Variants in ANKS1B observed in about 807,000 individuals in gnomAD.
ANKS1B encodes the protein ankyrin repeat and sterile alpha motif domain-containing protein 1B.
ANKS1B carries 36 observed loss-of-function variants against 148.3 expected under a neutral mutation model. The ratio of observed to expected loss-of-function variants is 0.24; its 90% confidence interval spans 0.19 to 0.32. ANKS1B has a LOEUF of 0.32. Among genes scored for constraint, ANKS1B ranks in the 10% least tolerant of loss-of-function variants. ANKS1B has a pLI of 1.00. For missense variants in ANKS1B, 1,157 were observed against 1,542.6 expected, an observed-to-expected ratio of 0.75 and a Z score of 4.19; for synonymous variants, 542 against 560.8, an observed-to-expected ratio of 0.97 and a Z score of 0.47.
chr12:99,754,629 G>C (rs554409284), intron 8 of ANKS1B, among the ~76,000 whole-genome samples: 138 of 152,174 alleles, frequency 9.1e-4, no homozygotes, highest in Non-Finnish European at 1.7e-3. Context: ...CAAAAGAACT[G>C]AAAATCATAA....
chr12:99,115,750 G>A (rs998717299), intron 15 of ANKS1B, among the ~76,000 whole-genome samples: 5 of 152,032 alleles, frequency 3.3e-5, no homozygotes, highest in Non-Finnish European at 5.9e-5. Flanking sequence ...GACTAACATG[G>A]TGAAACTCTG....
chr12:98,970,404 G>A lies in ANKS1B; in HGVS notation c.2778+82753C>T, dbSNP rs78876352. On this transcript the variant is annotated intron_variant, in intron 17 of 26. Coordinates refer to ENST00000683438, the MANE Select transcript of ANKS1B (RefSeq NM_001352186.2). Reference sequence around the variant, plus strand: ...GGGCCATGCAGACTTGCCAATATTAGGCTGGTTTGGCCTAGCATAGTACCT... The same window carrying A: ...GGGCCATGCAGACTTGCCAATATTAAGCTGGTTTGGCCTAGCATAGTACCT... Among the ~76,000 whole-genome samples, 391 of 152,250 alleles carry A rather than the reference G, an allele frequency of 2.6e-3. 11 individuals carry two copies. The East Asian group carries it at 0.044, about 17-fold the overall frequency.
intron 10 of ANKS1B, among the ~76,000 whole-genome samples, chr12:99,473,455 T>G (rs2096272481): frequency 6.6e-6 from 1 of 152,074 alleles, no homozygotes; most frequent in South Asian, 2.1e-4. Flanking sequence ...GAGCCATACC[T>G]AGTAGTACAA....
At chr12:98,879,456 T>C (rs1166078295) in intron 17 of ANKS1B, among the ~76,000 whole-genome samples, 1 of 152,208 alleles carries the variant, frequency 6.6e-6, no homozygotes, top group Non-Finnish European at 1.5e-5. Context: ...CAATATGTCA[T>C]TCATCCTCGC....
At chr12:99,568,285 T>C (rs759320271) in intron 9 of ANKS1B, among the ~76,000 whole-genome samples, 1 of 152,164 alleles carries the variant, frequency 6.6e-6, no homozygotes. Flanking sequence ...GCCAGCAGCA[T>C]ATCATTTTCA....
At chr12:99,423,984 T>G (rs2152724655) in intron 11 of ANKS1B, among the ~76,000 whole-genome samples, 1 of 152,224 alleles carries the variant, frequency 6.6e-6, no homozygotes, top group South Asian at 2.1e-4. Flanking sequence ...CCTCTGAACT[T>G]GAGGGTTAAA....
At chr12:99,407,852 A>G (rs1206690606) in intron 11 of ANKS1B, among the ~76,000 whole-genome samples, 2 of 146,178 alleles carry the variant, frequency 1.4e-5, no homozygotes, top group Non-Finnish European at 3.0e-5. Context: ...ATTGAAAATC[A>G]TATAAGAAAA....
At chr12:98,791,968 T>C (rs1256290592) in intron 22 of ANKS1B, among the ~76,000 whole-genome samples, 6 of 152,330 alleles carry the variant, frequency 3.9e-5, no homozygotes, top group Admixed American at 1.3e-4. Context: ...ATTCCCTCTA[T>C]TGTTTCCTAA....
At chr12:99,841,520 A>G (rs544740074) in intron 1 of ANKS1B, among the ~76,000 whole-genome samples, 1 of 151,986 alleles carries the variant, frequency 6.6e-6, no homozygotes, top group Non-Finnish European at 1.5e-5. Flanking sequence ...TAAACTGAAG[A>G]GTTTGGGGCC....
At chr12:99,962,248 T>C (rs991889617) in intron 1 of ANKS1B, among the ~76,000 whole-genome samples, 2 of 151,954 alleles carry the variant, frequency 1.3e-5, no homozygotes, top group African/African-American at 4.8e-5. Flanking sequence ...CCCCTCCCTG[T>C]GTCCATGTGT....
At chr12:99,653,917 G>A (rs1292907612) in intron 9 of ANKS1B, among the ~76,000 whole-genome samples, 1 of 151,798 alleles carries the variant, frequency 6.6e-6, no homozygotes, top group East Asian at 1.9e-4. Flanking sequence ...ACCCTCCTCG[G>A]CCTCCCACAG....
At chr12:99,945,531 A>G (rs191620502) in intron 1 of ANKS1B, among the ~76,000 whole-genome samples, 1 of 152,296 alleles carries the variant, frequency 6.6e-6, no homozygotes, top group East Asian at 1.9e-4. Context: ...TCAGACACCA[A>G]ATTAAGGTGG....
At chr12:99,330,301 A>T in intron 12 of ANKS1B, among the ~76,000 whole-genome samples, 1 of 151,958 alleles carries the variant, frequency 6.6e-6, no homozygotes, top group South Asian at 2.1e-4. Flanking sequence ...TTATAGATTC[A>T]AGTAAATCCA....
At chr12:99,599,754 G>A (rs2153276584) in intron 9 of ANKS1B, among the ~76,000 whole-genome samples, 1 of 152,160 alleles carries the variant, frequency 6.6e-6, no homozygotes, top group Non-Finnish European at 1.5e-5. Context: ...TAAAGGCAAG[G>A]ATGAACCTGG....
intron 1 of ANKS1B, among the ~76,000 whole-genome samples, chr12:99,896,235 C>T (rs561157443): frequency 6.6e-6 from 1 of 151,318 alleles, no homozygotes; most frequent in South Asian, 2.1e-4. Flanking sequence ...TCCATCTGCC[C>T]ATTTCTCCCA....
At chr12:99,184,420 T>C (rs528814807) in intron 14 of ANKS1B, among the ~76,000 whole-genome samples, 6 of 152,254 alleles carry the variant, frequency 3.9e-5, no homozygotes, top group African/African-American at 1.4e-4. Flanking sequence ...ATAGAACATG[T>C]ACAGAATAAA....
At chr12:98,941,462 A>G (rs1458736778) in intron 17 of ANKS1B, among the ~76,000 whole-genome samples, 1 of 152,224 alleles carries the variant, frequency 6.6e-6, no homozygotes, top group African/African-American at 2.4e-5. Context: ...ACCTTGTTTG[A>G]CTTCGCCTGG....
intron 12 of ANKS1B, among the ~76,000 whole-genome samples, chr12:99,273,889 T>C (rs2077364483): frequency 6.6e-6 from 1 of 152,018 alleles, no homozygotes; most frequent in Non-Finnish European, 1.5e-5. Context: ...CCGGCCTTTT[T>C]TGTGATTTTT....
At chr12:98,990,007 A>T (rs1009565764) in intron 17 of ANKS1B, among the ~76,000 whole-genome samples, 1 of 152,058 alleles carries the variant, frequency 6.6e-6, no homozygotes, top group Non-Finnish European at 1.5e-5. Flanking sequence ...AGAGAAAGGA[A>T]GAAAGAAAGA....
Sources: allele counts gnomAD v4.1 joint callset (sites outside exome capture counted in the v4.1 genomes callset), GRCh38; gene constraint gnomAD v4.1.1; transcripts MANE v1.5; gene names NCBI Gene and HGNC (gene_info 2026-07-23, HGNC 2026-07-21).